The following RNASEH1 variants were observed in gnomAD, a reference collection of about 807,000 sequenced individuals.
The protein encoded by RNASEH1 is ribonuclease H1.
In RNASEH1, 27 loss-of-function variants were observed where a neutral mutation model predicts 34.6. That is an observed-to-expected ratio of 0.78 (90% CI 0.58 to 1.08). The LOEUF (loss-of-function observed/expected upper bound fraction) is 1.08. Ranked by LOEUF, RNASEH1 falls within the 50% of genes least tolerant of loss-of-function variation. The pLI, the probability that RNASEH1 is intolerant of heterozygous loss-of-function variation, is 0.00. For missense variants in RNASEH1, 349 were observed against 373.6 expected (o/e 0.93, Z 0.54); for synonymous variants, 162 against 138.4 (o/e 1.17, Z -1.20).
rs1483506518 is a variant in RNASEH1 at position 3,543,179 on chromosome 2, G to A, written c.*2606C>T. Among the ~76,000 whole-genome samples the A allele has an allele frequency of 2.0e-5, 3 of 152,122 alleles. No individual in the cohort carries two copies. The highest frequency in any genetic ancestry group is 4.4e-5 in the Non-Finnish European group (3 of 68,026). The stretch of plus-strand genomic sequence containing the variant: ...CTCCCAAAACATGCCTATGTGAGGT[G>A]GAGGCTGACCTGCAGTCAGTCTGGC... On this transcript the variant is annotated 3_prime_UTR_variant, in exon 8 of 8. Transcript: ENST00000315212.
intron 2 of RNASEH1, among the ~76,000 whole-genome samples, chr2:3,553,743 A>C (rs1156916291): frequency 2.0e-5 from 3 of 151,804 alleles, no homozygotes; most frequent in Admixed American, 2.0e-4. Context: ...CCCATATCTC[A>C]CTCACTGGGT....
chr2:3,549,712 C>T (rs1309463079), intron 4 of RNASEH1, among the ~76,000 whole-genome samples: 2 of 151,686 alleles, frequency 1.3e-5, no homozygotes, highest in East Asian at 2.0e-4. Context: ...CTTGGGAGGC[C>T]GAGGTGGGCG....
chr2:3,557,784 G>T, intron 1 of RNASEH1: 1 of 995,380 alleles, frequency 1.0e-6, no homozygotes, highest in Middle Eastern at 2.4e-4. Context: ...AGCTGGTACG[G>T]AAAGTCTTCT....
rs1668411306 is a variant in RNASEH1, at chr2:3,542,816, A to G, written c.*2969T>C. On this transcript the variant is annotated 3_prime_UTR_variant, in exon 8 of 8. Transcript: ENST00000315212. ...GCTATGTAAAGGCCCCAGGACCCTG[A>G]ATTTGTATTGGGAATATCAATATAG... 6.6e-6 allele frequency among the ~76,000 whole-genome samples: 1 copy of G among 152,222 alleles called. No individual in the cohort carries two copies. Among genetic ancestry groups the G allele is most frequent in the Non-Finnish European group, 1.5e-5 (1 of 68,048 alleles).
chr2:3,557,997 G>A (rs1391849631), intron 1 of RNASEH1, 136 bp downstream of exon 1: 1 of 1,486,776 alleles, frequency 6.7e-7, no homozygotes, highest in Non-Finnish European at 9.0e-7. Flanking sequence ...AAACGAGGCG[G>A]TCCCCCGACC....
Position 3,548,784 on chromosome 2 carries a change from G to C in RNASEH1, c.565-60C>G, listed in dbSNP as rs540310991. 2.4e-6 allele frequency: 3 copies of C among 1,243,180 alleles called. No homozygotes were observed. In the East Asian group the frequency reaches 7.0e-5, roughly 29 times the overall value. The allele number at this position is 1,243,180 out of a possible 1,614,324, so 77.0% of individuals were successfully genotyped here. A position where few individuals can be genotyped will look rare whatever the true frequency, so the allele number is the denominator to read the frequency against. ...AATGTTCAACTCTGACATTACTAAA[G>C]TTCAAAAGTACTTCGAAATTGAAAC... On this transcript the variant is annotated intron_variant, in intron 5 of 7. Transcript: ENST00000315212.
rs374169440 is a variant in RNASEH1 at position 3,552,214 on chromosome 2, C to T, written c.339G>A (p.Pro113=). Residue 113 remains proline (P), a synonymous_variant, in exon 3 of 8, where the codon CCG becomes CCA. Coordinates refer to ENST00000315212, the MANE Select transcript of RNASEH1 (RefSeq NM_002936.6). ...LDGDGHESAE[P]YAKHMKPSVE... is the part of the protein sequence containing the mutation. ...CGCTCGGCTTCATGTGCTTTGCATACGGCTCTGCGCTTTCATGTCCATCTC... is the reference window on the plus strand; with the variant it reads ...CGCTCGGCTTCATGTGCTTTGCATATGGCTCTGCGCTTTCATGTCCATCTC... 86 of 1,613,424 alleles carry T rather than the reference C, an allele frequency of 5.3e-5. No homozygotes were observed. The Middle Eastern group carries it at 1.5e-3, about 27-fold the overall frequency.
downstream of RNASEH1, among the ~76,000 whole-genome samples, chr2:3,539,239 A>C (rs1668160215): frequency 6.6e-6 from 1 of 152,118 alleles, no homozygotes; most frequent in Non-Finnish European, 1.5e-5. Flanking sequence ...ACTGCTTTTA[A>C]TATACACGAA....
chr2:3,535,408 C>T, the RNASEH1 span, among the ~76,000 whole-genome samples: 59,718 of 145,040 alleles, frequency 0.41, 13,290 homozygotes, highest in African/African-American at 0.6. Flanking sequence ...GCCTGCGTGA[C>T]AGAGTGAGAC....
At chr2:3,550,122 AAC>A (rs1669143276) in intron 4 of RNASEH1, 2 of 434,604 alleles carry the variant, frequency 4.6e-6, no homozygotes, top group African/African-American at 2.1e-5. Context: ...CATCCTGGGC[AAC>A]AGTGTGAGAC....
downstream of RNASEH1, among the ~76,000 whole-genome samples, chr2:3,539,690 C>T (rs1033837571): frequency 6.6e-5 from 10 of 152,158 alleles, no homozygotes; most frequent in Non-Finnish European, 8.8e-5. Flanking sequence ...TTCTGAATGT[C>T]AGCTCATCAC....
At chr2:3,534,105 C>A in the RNASEH1 span, 2 of 152,328 alleles carry the variant, frequency 1.3e-5, no homozygotes, top group Non-Finnish European at 2.9e-5. Context: ...TGGGTAGAGA[C>A]TACTCACCTT....
chr2:3,558,295 C>G lies in RNASEH1; in HGVS notation c.-35G>C, dbSNP rs775031620. On this transcript the variant is annotated 5_prime_UTR_variant, in exon 1 of 8. Coordinates refer to ENST00000315212, the MANE Select transcript of RNASEH1 (RefSeq NM_002936.6). ...CCGGCACCGGGAAGCATTTCGACTC[C>G]CGGCCCAGCGTGGGCGCGAGCCGCC... The G allele has an allele frequency of 3.4e-5, 51 of 1,509,124 alleles. No individual in the cohort carries two copies. In the Middle Eastern group the frequency reaches 7.0e-4, roughly 21 times the overall value. 93.5% of individuals were successfully genotyped at this position (1,509,124 alleles called of 1,614,324 possible).
intron 7 of RNASEH1, among the ~76,000 whole-genome samples, 195 bp from the exon 8 acceptor site, chr2:3,546,066 G>A (rs1226602012): frequency 3.3e-5 from 5 of 152,268 alleles, no homozygotes; most frequent in Middle Eastern, 6.8e-3. Context: ...TGTGATTTAC[G>A]AACATTCCAT....
At chr2:3,532,872 A>G in the RNASEH1 span, among the ~76,000 whole-genome samples, 2,319 of 152,326 alleles carry the variant, frequency 0.015, 73 homozygotes, top group African/African-American at 0.053. Flanking sequence ...GACATTATAA[A>G]GGCTGGGAGG....
chr2:3,535,173 T>C, the RNASEH1 span, among the ~76,000 whole-genome samples: 1 of 152,102 alleles, frequency 6.6e-6, no homozygotes. Context: ...AGCCCAGCAC[T>C]TGGGGACGGT....
chr2:3,534,301 C>T, the RNASEH1 span: 2 of 152,242 alleles, frequency 1.3e-5, no homozygotes, highest in Non-Finnish European at 2.9e-5. Flanking sequence ...CTGTAACCCT[C>T]CCTCCTGCTT....
downstream of RNASEH1, among the ~76,000 whole-genome samples, chr2:3,541,391 G>A (rs1034956307): frequency 6.6e-6 from 1 of 151,564 alleles, no homozygotes; most frequent in Non-Finnish European, 1.5e-5. Context: ...CCATTCCAAG[G>A]CATTTACCCA....
intron 2 of RNASEH1, among the ~76,000 whole-genome samples, chr2:3,554,284 C>A (rs2147767924): frequency 6.6e-6 from 1 of 152,288 alleles, no homozygotes; most frequent in South Asian, 2.1e-4. Context: ...GTTAAAGTGT[C>A]ATTTTGTAGA....
Sources: allele counts gnomAD v4.1 joint callset (sites outside exome capture counted in the v4.1 genomes callset), GRCh38; gene constraint gnomAD v4.1.1; transcripts MANE v1.5; gene names NCBI Gene and HGNC (gene_info 2026-07-23, HGNC 2026-07-21).